The following SNRPB2 variants were observed in gnomAD, a reference collection of about 807,000 sequenced individuals.
The protein encoded by SNRPB2 is U2 small nuclear ribonucleoprotein B''.
In SNRPB2, 16 loss-of-function variants were observed where a neutral mutation model predicts 26.3. The ratio of observed to expected loss-of-function variants is 0.61; its 90% CI spans 0.41 to 0.92. SNRPB2 has a LOEUF of 0.92. SNRPB2 is among the 40% of genes least tolerant of loss of function. The pLI, the probability that SNRPB2 is intolerant of heterozygous loss-of-function variation, is 0.00. For missense variants in SNRPB2, 179 were observed against 268.1 expected (o/e 0.67, Z 2.32); for synonymous variants, 75 against 89.0 (o/e 0.84, Z 0.88).
rs892030383 is a variant in SNRPB2 at position 16,731,731 on chromosome 20, A to G, written c.29A>G (p.Tyr10Cys). Reference protein sequence around the residue: MDIRPNHTIYINNMNDKIKK... With the variant: MDIRPNHTICINNMNDKIKK... ...GATATCAGACCAAATCATACAATTT[A>G]TATCAACAATATGAATGACAAAATT... The change falls in exon 2 of 7, where the codon TAT becomes TGT. Residue 10 changes from tyrosine (Y) to cysteine (C), a missense_variant. Around this residue, in one of 2 missense-constraint regions of SNRPB2, gnomAD observed 145 missense variants for 180.7 expected, o/e 0.80. Transcript: ENST00000246071. The G allele has an allele frequency of 1.2e-6, 2 of 1,612,390 alleles. No homozygotes were observed. The highest frequency in any genetic ancestry group is 2.7e-5 in the African/African-American group (2 of 74,896).
Position 16,742,205 on chromosome 20 carries a change from ATATAT to A in SNRPB2, c.*1203_*1207del. ...AGTCAAGCTCCTGTACTTTTGTAAA[ATATAT>A]TAACAGTGAATTACTAGAAAATGGG... On this transcript the variant is annotated 3_prime_UTR_variant, in exon 7 of 7. Transcript: ENST00000246071. 1 of 152,362 alleles carries A rather than the reference ATATAT, an allele frequency of 6.6e-6. No homozygotes were observed. The highest frequency in any genetic ancestry group is 1.5e-5 in the Non-Finnish European group (1 of 68,044). The allele number at this position is 152,362 out of a possible 1,614,324, so 9.4% of individuals were successfully genotyped here. A position where few individuals can be genotyped will look rare whatever the true frequency, so the allele number is the denominator to read the frequency against.
chr20:16,738,763 T>A, intron 4 of SNRPB2, 89 bp from the exon 5 acceptor site: 2 of 747,430 alleles, frequency 2.7e-6, no homozygotes, highest in South Asian at 3.1e-5. Context: ...GAATTAATGT[T>A]ATTTTTAATG....
chr20:16,734,664 C>G (rs1431379614), intron 3 of SNRPB2, among the ~76,000 whole-genome samples: 1 of 152,052 alleles, frequency 6.6e-6, no homozygotes, highest in Non-Finnish European at 1.5e-5. Flanking sequence ...TTGTTCATTA[C>G]CCCGTGTTTA....
Position 16,737,470 on chromosome 20 carries a change from T to A in SNRPB2, c.378+69T>A, listed in dbSNP as rs988490951. The A allele has an allele frequency of 1.0e-5, 14 of 1,405,740 alleles. No homozygotes were observed. In the Admixed American group the frequency reaches 3.3e-4, roughly 33 times the overall value. 87.1% of individuals were successfully genotyped at this position (1,405,740 alleles called of 1,614,324 possible). ...ACTTGATAGATGCTTGTCTTACAGGTAAGGAATGATCTTAGGCTTGTCTGT... is the reference window on the plus strand; with the variant it reads ...ACTTGATAGATGCTTGTCTTACAGGAAAGGAATGATCTTAGGCTTGTCTGT... On this transcript the variant is annotated intron_variant, in intron 4 of 6. Coordinates refer to ENST00000246071, the MANE Select transcript of SNRPB2 (RefSeq NM_003092.5).
Position 16,741,139 on chromosome 20 carries a change from C to A in SNRPB2, c.*134C>A. 1 of 574,560 alleles carries A rather than the reference C, an allele frequency of 1.7e-6. No individual in the cohort carries two copies. Among genetic ancestry groups the A allele is most frequent in the Non-Finnish European group, 3.0e-6 (1 of 333,462 alleles). The allele number at this position is 574,560 out of a possible 1,614,324, so 35.6% of individuals were successfully genotyped here. A position where few individuals can be genotyped will look rare whatever the true frequency, so the allele number is the denominator to read the frequency against. On this transcript the variant is annotated 3_prime_UTR_variant, in exon 7 of 7. Transcript: ENST00000246071. ...AATTTTTGTGAAGGACTTAAATTAT[C>A]CAGTGTTTCTTTAGCCTTGGTGAAC...
intron 4 of SNRPB2, among the ~76,000 whole-genome samples, chr20:16,738,435 C>T (rs2072441996): frequency 7.6e-6 from 1 of 130,880 alleles, no homozygotes; most frequent in Non-Finnish European, 1.6e-5. Flanking sequence ...AAGAGCAAGA[C>T]TCCATCTCAA....
At chr20:16,732,083 C>T in intron 2 of SNRPB2, 81 bp from the exon 3 acceptor site, 1 of 784,400 alleles carries the variant, frequency 1.3e-6, no homozygotes, top group South Asian at 1.7e-5. Flanking sequence ...GTGGGGGGGG[C>T]AACTCAATGC....
At chr20:16,733,507 G>T (rs1338293062) in intron 3 of SNRPB2, among the ~76,000 whole-genome samples, 1 of 152,214 alleles carries the variant, frequency 6.6e-6, no homozygotes, top group African/African-American at 2.4e-5. Flanking sequence ...ACCAGTGGCA[G>T]CCTCAGGAGT....
intron 4 of SNRPB2, among the ~76,000 whole-genome samples, chr20:16,737,677 T>C (rs1254805470): frequency 6.6e-6 from 1 of 152,210 alleles, no homozygotes; most frequent in Admixed American, 6.5e-5. Context: ...TTTGGTTTAT[T>C]TCTCAAGTTT....
chr20:16,731,269 A>G (rs2072388442), intron 1 of SNRPB2, among the ~76,000 whole-genome samples: 1 of 152,234 alleles, frequency 6.6e-6, no homozygotes, highest in Admixed American at 6.5e-5. Flanking sequence ...AGTAGTTGGC[A>G]AACTTCATTA....
At chr20:16,736,911 G>A (rs552717549) in intron 3 of SNRPB2, among the ~76,000 whole-genome samples, 2 of 152,324 alleles carry the variant, frequency 1.3e-5, no homozygotes, top group South Asian at 2.1e-4. Context: ...TCCAAAGCCC[G>A]CTGGTGGAGC....
intron 2 of SNRPB2, 102 bp downstream of exon 2, chr20:16,731,868 G>A: frequency 6.5e-7 from 1 of 1,530,694 alleles, no homozygotes; most frequent in Non-Finnish European, 8.8e-7. Flanking sequence ...TCATCTTAGT[G>A]CCTGAAATAA....
chr20:16,736,811 TTA>T (rs1201318451), intron 3 of SNRPB2, among the ~76,000 whole-genome samples: 1 of 152,164 alleles, frequency 6.6e-6, no homozygotes, highest in Non-Finnish European at 1.5e-5. Context: ...TTTGTTTGTT[TTA>T]TATGTTGTTT....
At chr20:16,740,683 C>T (rs1031084089) in intron 6 of SNRPB2, among the ~76,000 whole-genome samples, 163 bp from the exon 7 acceptor site, 4 of 152,162 alleles carry the variant, frequency 2.6e-5, no homozygotes, top group Non-Finnish European at 5.9e-5. Flanking sequence ...GCAGTTCTTC[C>T]ATGGTATTAA....
Position 16,731,734 on chromosome 20 carries a change from T to A in SNRPB2, c.32T>A (p.Ile11Asn). Reference sequence around the variant, plus strand: ...ATCAGACCAAATCATACAATTTATATCAACAATATGAATGACAAAATTAAA... The same window carrying A: ...ATCAGACCAAATCATACAATTTATAACAACAATATGAATGACAAAATTAAA... MDIRPNHTIYINNMNDKIKKE... is the reference protein window; with the variant it reads MDIRPNHTIYNNNMNDKIKKE... Residue 11 changes from isoleucine to asparagine, a missense_variant, in exon 2 of 7, where the codon ATC becomes AAC. Ile to Asn is a moderately radical substitution (Grantham distance 149, BLOSUM62 -3). Coordinates refer to ENST00000246071, the MANE Select transcript of SNRPB2 (RefSeq NM_003092.5). 6.2e-7 allele frequency: 1 copy of A among 1,612,510 alleles called. No individual in the cohort carries two copies. Among genetic ancestry groups the A allele is most frequent in the Non-Finnish European group, 8.5e-7 (1 of 1,178,976 alleles).
At chr20:16,737,212 A>C in intron 3 of SNRPB2, 49 bp from the exon 4 acceptor site, 1 of 1,472,790 alleles carries the variant, frequency 6.8e-7, no homozygotes, top group East Asian at 2.3e-5. Flanking sequence ...TGACTAGTGT[A>C]AACATCCTTC....
chr20:16,740,928 G>A lies in SNRPB2; in HGVS notation c.601G>A (p.Gly201Arg), dbSNP rs375598794. ...TGAATTTGAAAATGATGGGCAGGCT[G>A]GAGCTGCCAGGGATGCTTTACAGGG... ...FVEFENDGQA[G>R]AARDALQGFK... is the part of the protein sequence containing the mutation. Residue 201 changes from glycine (G) to arginine (R), a missense_variant, in exon 7 of 7, where the codon GGA (glycine) becomes AGA (arginine). This residue lies in a region of SNRPB2 where 34 missense variants were observed against 87.4 expected (regional missense o/e 0.39). Coordinates refer to ENST00000246071, the MANE Select transcript of SNRPB2 (RefSeq NM_003092.5). 5.6e-6 allele frequency: 9 copies of A among 1,608,188 alleles called. No individual in the cohort carries two copies. Among genetic ancestry groups the A allele is most frequent in the Non-Finnish European group, 7.7e-6 (9 of 1,174,738 alleles).
chr20:16,739,358 T>TC (rs1568755325), intron 5 of SNRPB2, among the ~76,000 whole-genome samples: 1 of 151,882 alleles, frequency 6.6e-6, no homozygotes, highest in Non-Finnish European at 1.5e-5. Context: ...ACAAATAAAT[T>TC]CCAGCCTTTT....
At chr20:16,739,166 C>CT (rs1392431445) in intron 5 of SNRPB2, among the ~76,000 whole-genome samples, 8 of 152,180 alleles carry the variant, frequency 5.3e-5, no homozygotes, top group Non-Finnish European at 1.0e-4. Flanking sequence ...ACTTTAAACT[C>CT]TAAGGGCTGG....
Sources: gnomAD v4.1 joint callset for allele counts (sites outside exome capture counted in the v4.1 genomes callset) on GRCh38, gnomAD v4.1.1 for gene constraint, gnomAD v4.1.1 regional missense constraint, MANE v1.5 for transcripts, NCBI Gene and HGNC (gene_info 2026-07-23, HGNC 2026-07-21) for gene names.